SLC35F2: variants seen among roughly 807,000 people sequenced by gnomAD.
SLC35F2 encodes solute carrier family 35 member F2.
A neutral mutation model predicts 38.1 loss-of-function variants in SLC35F2; 25 were observed. That is an observed-to-expected ratio of 0.66 (90% CI 0.48 to 0.92). The LOEUF is 0.92. Ranked by LOEUF, SLC35F2 falls within the 40% of genes least tolerant of loss-of-function variation. SLC35F2 has a pLI of 0.00. For missense variants in SLC35F2, 409 were observed against 452.9 expected, an observed-to-expected ratio of 0.90 and a Z score of 0.88; for synonymous variants, 173 against 181.7, an observed-to-expected ratio of 0.95 and a Z score of 0.38.
In SLC35F2 at chr11:107,805,584, C is replaced by T. The variant is rs1028369005; in HGVS notation, c.575-69G>A. On this transcript the variant is annotated intron_variant, in intron 4 of 7. Coordinates refer to ENST00000525815, the MANE Select transcript of SLC35F2 (RefSeq NM_017515.5). ...TGAACCTCCACAGCGTGCCTCCAGG[C>T]GGTCATCTGACTCGTGTTCATTTAA... The T allele has an allele frequency of 8.3e-5, 127 of 1,534,642 alleles. No individual in the cohort carries two copies. The African/African-American group carries it at 1.5e-3, about 18-fold the overall frequency.
rs542805863 is a variant in SLC35F2 at position 107,833,924 on chromosome 11, T to C, written c.111-17959A>G. 9.3e-4 allele frequency among the ~76,000 whole-genome samples: 141 copies of C among 152,278 alleles called. 1 individual carries two copies. Among genetic ancestry groups the C allele is most frequent in the Non-Finnish European group, 8.2e-4 (56 of 68,020 alleles). On this transcript the variant is annotated intron_variant, in intron 1 of 7. Transcript: ENST00000525815. ...GAGATAAACAATTTAAAAAGACAAA[T>C]GGTTACAAAAAAGCAACGGAACCAG... is the stretch of plus-strand genomic sequence containing the variant.
intron 2 of SLC35F2, among the ~76,000 whole-genome samples, chr11:107,814,312 A>G (rs12808659): frequency 0.13 from 19,425 of 151,882 alleles, 1,708 homozygotes; most frequent in African/African-American, 0.25. Context: ...AAAATTAGCC[A>G]GGTGTGGTGG....
intron 1 of SLC35F2, among the ~76,000 whole-genome samples, chr11:107,845,769 A>G (rs938813642): frequency 3.3e-5 from 5 of 151,970 alleles, no homozygotes; most frequent in East Asian, 1.9e-4. Context: ...CCTGGCCAAC[A>G]TGGTAAAACC....
intron 1 of SLC35F2, among the ~76,000 whole-genome samples, chr11:107,849,625 CA>C (rs1391366691): frequency 1.6e-5 from 2 of 127,424 alleles, no homozygotes; most frequent in Non-Finnish European, 3.2e-5. Context: ...GGCGACAGAG[CA>C]AGACTCCGTT....
intron 1 of SLC35F2, among the ~76,000 whole-genome samples, chr11:107,831,088 C>T (rs12288093): frequency 0.058 from 8,773 of 152,156 alleles, 519 homozygotes; most frequent in African/African-American, 0.15. Flanking sequence ...TGAATCAATA[C>T]GGGCTGGCAC....
At chr11:107,797,185 TAAG>T (rs145451637) in intron 7 of SLC35F2, among the ~76,000 whole-genome samples, 8,669 of 152,202 alleles carry the variant, frequency 0.057, 296 homozygotes, top group East Asian at 0.15. Flanking sequence ...AATAAAAAAT[TAAG>T]AACGGGGCAT....
intron 6 of SLC35F2, 92 bp downstream of exon 6, chr11:107,804,626 C>T (rs1340272971): frequency 1.4e-5 from 13 of 951,490 alleles, no homozygotes; most frequent in African/African-American, 5.0e-5. Context: ...TTTACAAAGA[C>T]GTCTAAATAT....
At chr11:107,797,337 G>GA (rs1201879697) in intron 7 of SLC35F2, among the ~76,000 whole-genome samples, 1 of 151,834 alleles carries the variant, frequency 6.6e-6, no homozygotes, top group Admixed American at 6.6e-5. Context: ...AAAAGGAAGA[G>GA]AAAGAAGATG....
intron 3 of SLC35F2, chr11:107,810,062 C>T (rs1192200100): frequency 1.0e-6 from 1 of 985,308 alleles, no homozygotes; most frequent in African/African-American, 1.7e-5. Context: ...TCAAAGACCA[C>T]CTAATCCAGA....
At chr11:107,830,196 C>T (rs1288681028) in intron 1 of SLC35F2, among the ~76,000 whole-genome samples, 1 of 151,840 alleles carries the variant, frequency 6.6e-6, no homozygotes, top group Non-Finnish European at 1.5e-5. Flanking sequence ...AACATATATC[C>T]CAATTTGCTT....
At chr11:107,837,496 T>C (rs1386808740) in intron 1 of SLC35F2, among the ~76,000 whole-genome samples, 6 of 143,228 alleles carry the variant, frequency 4.2e-5, no homozygotes, top group Non-Finnish European at 7.5e-5. Flanking sequence ...GAAACCAGCC[T>C]GGCCAACATG....
chr11:107,799,758 C>T (rs568113237), intron 7 of SLC35F2, among the ~76,000 whole-genome samples: 6 of 152,136 alleles, frequency 3.9e-5, no homozygotes, highest in South Asian at 2.1e-4. Context: ...CTTGTAAAGA[C>T]GGGGTTTCAC....
rs537995094 is a variant in SLC35F2, at chr11:107,827,055, G to A, written c.111-11090C>T. ...TCGTATATACATACATATACAATAT[G>A]AATATTGATGTATTCATTGGGATAT... On this transcript the variant is annotated intron_variant, in intron 1 of 7. Transcript: ENST00000525815. 1.1e-4 allele frequency among the ~76,000 whole-genome samples: 17 copies of A among 152,026 alleles called. No homozygotes were observed. The East Asian group carries it at 3.3e-3, about 29-fold the overall frequency.
intron 1 of SLC35F2, among the ~76,000 whole-genome samples, chr11:107,844,393 C>A (rs867918804): frequency 1.3e-5 from 2 of 151,974 alleles, no homozygotes; most frequent in African/African-American, 2.4e-5. Flanking sequence ...TTTGGGAGGC[C>A]GAGGCAGACG....
At chr11:107,833,236 A>G (rs1859877421) in intron 1 of SLC35F2, among the ~76,000 whole-genome samples, 1 of 152,124 alleles carries the variant, frequency 6.6e-6, no homozygotes, top group South Asian at 2.1e-4. Context: ...AAGAGAGTTG[A>G]AATGGCTGGA....
chr11:107,847,100 G>C (rs1489966073), intron 1 of SLC35F2, among the ~76,000 whole-genome samples: 2 of 152,092 alleles, frequency 1.3e-5, no homozygotes, highest in South Asian at 2.1e-4. Flanking sequence ...GCCCAGGCTA[G>C]AGTGCAGTGG....
intron 1 of SLC35F2, among the ~76,000 whole-genome samples, chr11:107,818,119 A>T (rs1859612397): frequency 6.7e-6 from 1 of 149,006 alleles, no homozygotes; most frequent in Non-Finnish European, 1.5e-5. Flanking sequence ...AAAGAAAGAA[A>T]GAAAGAAAGA....
chr11:107,818,128 G>GAAAGAAAT (rs1859613976), intron 1 of SLC35F2, among the ~76,000 whole-genome samples: 1 of 141,428 alleles, frequency 7.1e-6, no homozygotes, highest in Admixed American at 7.1e-5. Context: ...AAGAAAGAAA[G>GAAAGAAAT]AAAGAAAAAG....
intron 1 of SLC35F2, among the ~76,000 whole-genome samples, chr11:107,816,774 ATT>A (rs1281583105): frequency 6.6e-6 from 1 of 152,130 alleles, no homozygotes; most frequent in Non-Finnish European, 1.5e-5. Flanking sequence ...GACATGCTGG[ATT>A]TTGTTTAATT....
Sources: gnomAD v4.1 joint callset for allele counts (sites outside exome capture counted in the v4.1 genomes callset) on GRCh38, gnomAD v4.1.1 for gene constraint, MANE v1.5 for transcripts, NCBI Gene and HGNC (gene_info 2026-07-23, HGNC 2026-07-21) for gene names.